Variants in DHTKD1 observed in about 807,000 individuals in gnomAD.
DHTKD1 encodes the protein dehydrogenase E1 and transketolase domain containing 1.
Under a neutral mutation model 101.8 loss-of-function variants are expected in DHTKD1, and 78 were observed. That is an observed-to-expected ratio of 0.77 (90% CI 0.64 to 0.93). DHTKD1 has a LOEUF of 0.93. Among genes scored for constraint, DHTKD1 ranks in the 40% least tolerant of loss-of-function variants. The pLI is 0.00. For missense variants in DHTKD1, 1,223 were observed against 1,161.7 expected, an observed-to-expected ratio of 1.05 and a Z score of -0.77; for synonymous variants, 462 against 450.3, an observed-to-expected ratio of 1.03 and a Z score of -0.33.
In DHTKD1 at chr10:12,113,027, T is replaced by C. The variant is rs772350088; in HGVS notation, c.2282T>C (p.Leu761Pro). Residue 761 changes from leucine (L) to proline (P), a missense_variant, in exon 13 of 17, where the codon CTC becomes CCC. By Grantham distance (98) the Leu-to-Pro change is moderately conservative. Transcript: ENST00000263035. Reference sequence around the variant, plus strand: ...ATGGTCCGGAACTTCAGAAAACCACTCATTGTTGCTTCCCCTAAGATGTTA... The same window carrying C: ...ATGGTCCGGAACTTCAGAAAACCACCCATTGTTGCTTCCCCTAAGATGTTA... ...RQMVRNFRKPLIVASPKMLLR... is the reference protein window; with the variant it reads ...RQMVRNFRKPPIVASPKMLLR... 6.2e-7 allele frequency: 1 copy of C among 1,613,424 alleles called. No homozygotes were observed. The highest frequency in any genetic ancestry group is 8.5e-7 in the Non-Finnish European group (1 of 1,179,710).
intron 1 of DHTKD1, among the ~76,000 whole-genome samples, chr10:12,075,868 T>C (rs1003432179): frequency 6.6e-6 from 1 of 152,142 alleles, no homozygotes; most frequent in Non-Finnish European, 1.5e-5. Flanking sequence ...ATTCCATTTA[T>C]TTTTATTTTA....
At chr10:12,108,967 C>T (rs960179865) in intron 12 of DHTKD1, among the ~76,000 whole-genome samples, 9 of 152,042 alleles carry the variant, frequency 5.9e-5, no homozygotes, top group Non-Finnish European at 1.0e-4. Context: ...GCCTGGCTAA[C>T]ACAGAGAAAC....
At position 12,100,231 on chromosome 10, in the gene DHTKD1, AG is replaced by A. The variant is rs745946271; in HGVS notation, c.1726del (p.Ala576LeufsTer16). 6.4e-7 allele frequency: 1 copy of A among 1,559,822 alleles called. No individual in the cohort carries two copies. Among genetic ancestry groups the A allele is most frequent in the Admixed American group, 1.8e-5 (1 of 55,004 alleles). On this transcript the variant is annotated frameshift_variant, in exon 9 of 17. Coordinates refer to ENST00000263035, the MANE Select transcript of DHTKD1 (RefSeq NM_018706.7). LOFTEE classifies it high-confidence loss of function. ...GIKLDWATAEALALGSLLAQG... is the reference protein window; with the variant it reads ...GIKLDWATAEXLALGSLLAQG... ...TCAAGCTAGACTGGGCCACCGCGGA[AG>A]CTCTTGCCTTGGGTTCTTTACTTGC...
At chr10:12,085,791 GC>G (rs1832888059) in intron 3 of DHTKD1, among the ~76,000 whole-genome samples, 1 of 152,032 alleles carries the variant, frequency 6.6e-6, no homozygotes, top group South Asian at 2.1e-4. Context: ...GGAAGCTGAG[GC>G]AGGAGAATCT....
At chr10:12,108,618 C>T (rs1833284211) in intron 12 of DHTKD1, among the ~76,000 whole-genome samples, 1 of 152,122 alleles carries the variant, frequency 6.6e-6, no homozygotes. Flanking sequence ...CAGAAATAGC[C>T]ATTGTCCTCA....
At chr10:12,084,463 C>G (rs763031012) in intron 2 of DHTKD1, 77 bp from the exon 3 acceptor site, 79 of 948,384 alleles carry the variant, frequency 8.3e-5, no homozygotes, top group Admixed American at 6.2e-4. Context: ...GAAGAAAATA[C>G]AGTATATAAT....
At position 12,121,239 on chromosome 10, in the gene DHTKD1, C is replaced by A. The variant is rs1387349035; in HGVS notation, c.*351C>A. On this transcript the variant is annotated 3_prime_UTR_variant, in exon 17 of 17. Coordinates refer to ENST00000263035, the MANE Select transcript of DHTKD1 (RefSeq NM_018706.7). ...CGTTTCAAAAAAAAAAAAAAAAAAA[C>A]CCATTAAAAGAGGCCTCCTTCCTCC... The A allele has an allele frequency of 2.0e-3, 351 of 174,658 alleles. 3 individuals are homozygous for A. Among genetic ancestry groups the A allele is most frequent in the African/African-American group, 8.6e-3 (270 of 31,274 alleles). The allele number at this position is 174,658 out of a possible 1,614,324, so 10.8% of individuals were successfully genotyped here. A position where few individuals can be genotyped will look rare whatever the true frequency, so the allele number is the denominator to read the frequency against.
At chr10:12,118,977 C>CTT in intron 15 of DHTKD1, 59 bp downstream of exon 15, 1 of 1,414,922 alleles carries the variant, frequency 7.1e-7, no homozygotes, top group South Asian at 1.6e-5. Context: ...CATTTCAGCT[C>CTT]TTTTAAATGA....
chr10:12,115,935 T>A (rs1833409476), intron 13 of DHTKD1, among the ~76,000 whole-genome samples: 1 of 151,366 alleles, frequency 6.6e-6, no homozygotes, highest in African/African-American at 2.4e-5. Flanking sequence ...GCAATTTTTT[T>A]TTTTTTTTTT....
At position 12,069,158 on chromosome 10, in the gene DHTKD1, A is replaced by T. The variant is rs1212593328; in HGVS notation, c.125A>T (p.Glu42Val). Residue 42 changes from glutamate (E) to valine (V), a missense_variant, in exon 1 of 17, where the codon GAG becomes GTG. By Grantham distance (121) the Glu-to-Val change is moderately radical (BLOSUM62 -2). Transcript: ENST00000263035. ...GYRPRKPESREPQGALERPPV... is the reference protein window; with the variant it reads ...GYRPRKPESRVPQGALERPPV... Reference sequence around the variant, plus strand: ...CGGCCGAGGAAGCCCGAGAGCCGCGAGCCCCAGGGCGCCCTGGAGCGCCCC... The same window carrying T: ...CGGCCGAGGAAGCCCGAGAGCCGCGTGCCCCAGGGCGCCCTGGAGCGCCCC... The T allele has an allele frequency of 6.4e-7, 1 of 1,568,756 alleles. No homozygotes were observed. Among genetic ancestry groups the T allele is most frequent in the African/African-American group, 1.4e-5 (1 of 73,322 alleles).
At chr10:12,119,683 G>C (rs1833494284) in intron 15 of DHTKD1, among the ~76,000 whole-genome samples, 1 of 152,042 alleles carries the variant, frequency 6.6e-6, no homozygotes, top group Non-Finnish European at 1.5e-5. Context: ...GGTCATGGGG[G>C]AGGAGGGAGA....
chr10:12,107,853 AG>A lies in DHTKD1; in HGVS notation c.2048-54del. ...TTGATTTCCCCAGCTGAGTCGTGTC[AG>A]GCCACTTTGTCCCCGCTTCGTAGAG... On this transcript the variant is annotated intron_variant, in intron 11 of 16. Coordinates refer to ENST00000263035, the MANE Select transcript of DHTKD1 (RefSeq NM_018706.7). This position sits in a 1 kb window ranked among gnomAD's most constrained non-coding sequence, Gnocchi z 4.1. 1.6e-6 allele frequency: 2 copies of A among 1,213,448 alleles called. No homozygotes were observed. The highest frequency in any genetic ancestry group is 2.4e-6 in the Non-Finnish European group (2 of 825,802). 75.2% of individuals were successfully genotyped at this position (1,213,448 alleles called of 1,614,324 possible).
chr10:12,092,200 C>G (rs1833001345), intron 6 of DHTKD1, among the ~76,000 whole-genome samples: 1 of 151,922 alleles, frequency 6.6e-6, no homozygotes, highest in Non-Finnish European at 1.5e-5. Flanking sequence ...GCAGGCTGGT[C>G]TTGAACTCCT....
At chr10:12,117,096 G>A (rs1019072355) in intron 13 of DHTKD1, among the ~76,000 whole-genome samples, 7 of 151,902 alleles carry the variant, frequency 4.6e-5, no homozygotes, top group African/African-American at 1.7e-4. Flanking sequence ...TCTGCCTTCT[G>A]GGTTCAAGCA....
chr10:12,085,578 T>TA (rs1423711524), intron 3 of DHTKD1, among the ~76,000 whole-genome samples: 4 of 152,180 alleles, frequency 2.6e-5, no homozygotes, highest in South Asian at 4.1e-4. Context: ...ACTTAAGACT[T>TA]ACTTAAGACC....
In DHTKD1 at chr10:12,087,779, C is replaced by T. The variant is rs1832927923; in HGVS notation, c.717+50C>T. The T allele has an allele frequency of 7.0e-7, 1 of 1,424,988 alleles. No homozygotes were observed. The highest frequency in any genetic ancestry group is 1.4e-5 in the African/African-American group (1 of 69,714). The allele number at this position is 1,424,988 out of a possible 1,614,324, so 88.3% of individuals were successfully genotyped here. On this transcript the variant is annotated intron_variant, in intron 4 of 16. Transcript: ENST00000263035. The surrounding 1 kb of genome is among the most constrained non-coding windows in gnomAD (Gnocchi z 5.2). ...AGTAGCACTATATGATTGATTGTAA[C>T]AGAATAAAACTGCTGGTTTCATTCT... is the stretch of plus-strand genomic sequence containing the variant.
At chr10:12,108,754 A>G (rs1460381139) in intron 12 of DHTKD1, among the ~76,000 whole-genome samples, 1 of 152,208 alleles carries the variant, frequency 6.6e-6, no homozygotes, top group Non-Finnish European at 1.5e-5. Flanking sequence ...CCCACTCCCT[A>G]GAATTCACCA....
chr10:12,100,994 A>T (rs375147168), intron 9 of DHTKD1, 48 bp from the exon 10 acceptor site: 242 of 1,599,166 alleles, frequency 1.5e-4, no homozygotes, highest in Non-Finnish European at 2.0e-4. Context: ...ACACCTTATT[A>T]TTAGGTTATT....
chr10:12,118,364 C>T (rs1054355751), intron 14 of DHTKD1, among the ~76,000 whole-genome samples: 13 of 148,370 alleles, frequency 8.8e-5, no homozygotes, highest in Admixed American at 7.0e-4. Context: ...CACTGTCTCC[C>T]GTTTCTTCTG....
Sources: gnomAD v4.1 joint callset for allele counts (sites outside exome capture counted in the v4.1 genomes callset) on GRCh38, gnomAD v4.1.1 for gene constraint, Gnocchi (gnomAD v3.1) non-coding constraint, MANE v1.5 for transcripts, NCBI Gene and HGNC (gene_info 2026-07-23, HGNC 2026-07-21) for gene names.